The following AMBRA1 variants were observed in gnomAD, a reference collection of about 807,000 sequenced individuals.
AMBRA1 encodes autophagy and beclin 1 regulator 1, also known as activating molecule in BECN1-regulated autophagy protein 1.
A neutral mutation model predicts 125.4 loss-of-function variants in AMBRA1; 47 were observed. The observed-to-expected ratio is 0.37, with a 90% CI of 0.30 to 0.48. The LOEUF is 0.48. Ranked by LOEUF, AMBRA1 falls within the 20% of genes least tolerant of loss-of-function variation. AMBRA1 has a pLI of 0.99. For missense variants in AMBRA1, 1,331 were observed against 1,693.4 expected, an observed-to-expected ratio of 0.79 and a Z score of 3.76; for synonymous variants, 626 against 655.5, an observed-to-expected ratio of 0.95 and a Z score of 0.69.
intron 1 of AMBRA1, among the ~76,000 whole-genome samples, chr11:46,576,108 T>C (rs943731237): frequency 6.6e-6 from 1 of 152,068 alleles, no homozygotes; most frequent in East Asian, 1.9e-4. Flanking sequence ...TAACAGTAGA[T>C]TACACAGCTA....
chr11:46,584,328 A>C (rs1415283644), intron 1 of AMBRA1, among the ~76,000 whole-genome samples: 1 of 139,946 alleles, frequency 7.1e-6, no homozygotes, highest in Non-Finnish European at 1.5e-5. Flanking sequence ...AGCAATGAGA[A>C]CACATGGACA....
chr11:46,418,461 T>C (rs1946679437), intron 14 of AMBRA1, among the ~76,000 whole-genome samples: 1 of 150,900 alleles, frequency 6.6e-6, no homozygotes, highest in African/African-American at 2.4e-5. Context: ...GCAGGTTTGT[T>C]ACATATGTAT....
At chr11:46,512,594 C>A in intron 8 of AMBRA1, 133 bp downstream of exon 8, 1 of 631,782 alleles carries the variant, frequency 1.6e-6, no homozygotes, top group South Asian at 2.3e-5. Context: ...CCTGAACCAC[C>A]TGTCTCAAAA....
intron 14 of AMBRA1, among the ~76,000 whole-genome samples, chr11:46,429,417 C>G (rs1248870300): frequency 6.6e-6 from 1 of 152,216 alleles, no homozygotes; most frequent in Non-Finnish European, 1.5e-5. Context: ...ACTTATGTGC[C>G]TACAATCCCC....
At chr11:46,496,044 G>C (rs183855510) in intron 9 of AMBRA1, among the ~76,000 whole-genome samples, 71 of 152,210 alleles carry the variant, frequency 4.7e-4, no homozygotes, top group African/African-American at 1.6e-3. Context: ...TTCAAGGTCA[G>C]CCTGGGCAAC....
At chr11:46,572,966 C>T (rs185642910) in intron 1 of AMBRA1, among the ~76,000 whole-genome samples, 65 of 151,794 alleles carry the variant, frequency 4.3e-4, no homozygotes, top group African/African-American at 1.5e-3. Flanking sequence ...TGGTGGACGC[C>T]TGTAATCCCA....
intron 11 of AMBRA1, among the ~76,000 whole-genome samples, chr11:46,456,511 G>A (rs765010889): frequency 2.6e-5 from 4 of 152,200 alleles, no homozygotes; most frequent in African/African-American, 4.8e-5. Context: ...TGGGCAAAGA[G>A]AGGGGTGAAG....
chr11:46,532,874 C>T (rs1003460510), intron 7 of AMBRA1, among the ~76,000 whole-genome samples: 18 of 152,226 alleles, frequency 1.2e-4, no homozygotes, highest in Admixed American at 9.2e-4. Flanking sequence ...AACGCTCATA[C>T]TCTTGGGCAC....
At position 46,517,470 on chromosome 11, in the gene AMBRA1, GTTTTTTTTTT is replaced by G. The variant is rs768814141; in HGVS notation, c.2073-4667_2073-4658del. On this transcript the variant is annotated intron_variant, in intron 7 of 17. Coordinates refer to ENST00000683756, the MANE Select transcript of AMBRA1 (RefSeq NM_001387011.1). ...GGCTAGAAAGCATTTTATTAATAAG[GTTTTTTTTTT>G]TTTTTTTTTTTTTTTTTAAGTCTGA... Among the ~76,000 whole-genome samples, 4 of 96,156 alleles carry G rather than the reference GTTTTTTTTTT, an allele frequency of 4.2e-5. 1 individual carries two copies. In the East Asian group the frequency reaches 1.4e-3, roughly 34 times the overall value. The allele number at this position is 96,156 out of a possible 152,430, so 63.1% of individuals were successfully genotyped here.
At chr11:46,480,512 G>A (rs1950018373) in intron 11 of AMBRA1, among the ~76,000 whole-genome samples, 1 of 152,206 alleles carries the variant, frequency 6.6e-6, no homozygotes, top group Non-Finnish European at 1.5e-5. Context: ...CCAGGGTTGT[G>A]CAACCCTCAT....
At chr11:46,428,236 C>T (rs1947255088) in intron 14 of AMBRA1, among the ~76,000 whole-genome samples, 1 of 152,028 alleles carries the variant, frequency 6.6e-6, no homozygotes, top group Non-Finnish European at 1.5e-5. Flanking sequence ...ACTTTCTTTT[C>T]AATGTGTCCT....
chr11:46,400,196 ACTG>A (rs1197409379), intron 17 of AMBRA1, among the ~76,000 whole-genome samples: 1 of 152,034 alleles, frequency 6.6e-6, no homozygotes, highest in East Asian at 1.9e-4. Context: ...GCTCCACTGA[ACTG>A]CTGATTTGTC....
At chr11:46,424,460 C>T (rs1445993813) in intron 14 of AMBRA1, among the ~76,000 whole-genome samples, 1 of 152,170 alleles carries the variant, frequency 6.6e-6, no homozygotes, top group Non-Finnish European at 1.5e-5. Flanking sequence ...CCACCCCTGG[C>T]CATTAGGATC....
At chr11:46,442,444 A>C (rs1194215483) in intron 12 of AMBRA1, among the ~76,000 whole-genome samples, 1 of 152,012 alleles carries the variant, frequency 6.6e-6, no homozygotes. Context: ...CACCTGGCTG[A>C]AAGAATATTT....
intron 14 of AMBRA1, among the ~76,000 whole-genome samples, chr11:46,421,654 C>G (rs540563352): frequency 6.6e-6 from 1 of 152,192 alleles, no homozygotes; most frequent in African/African-American, 2.4e-5. Flanking sequence ...ACCCCTTTCC[C>G]GGGCCAAAGC....
At chr11:46,564,393 A>G (rs750794292) in intron 1 of AMBRA1, among the ~76,000 whole-genome samples, 4 of 152,126 alleles carry the variant, frequency 2.6e-5, no homozygotes, top group Non-Finnish European at 5.9e-5. Context: ...TTTTCCTCAC[A>G]ATGATACTAT....
chr11:46,506,950 G>A (rs575425424), intron 9 of AMBRA1, among the ~76,000 whole-genome samples: 1 of 151,124 alleles, frequency 6.6e-6, no homozygotes, highest in East Asian at 2.0e-4. Context: ...CGGATCACAA[G>A]GTCAAGAGAT....
chr11:46,432,632 A>G (rs1350382159), intron 14 of AMBRA1, among the ~76,000 whole-genome samples: 1 of 152,220 alleles, frequency 6.6e-6, no homozygotes, highest in African/African-American at 2.4e-5. Context: ...AGGAGCTTAC[A>G]CTGAACCGAA....
At chr11:46,500,751 T>A (rs2135006153) in intron 9 of AMBRA1, among the ~76,000 whole-genome samples, 1 of 152,270 alleles carries the variant, frequency 6.6e-6, no homozygotes, top group East Asian at 1.9e-4. Context: ...GCTATACCCA[T>A]CACCAATATC....
Sources: allele counts gnomAD v4.1 joint callset (sites outside exome capture counted in the v4.1 genomes callset), GRCh38; gene constraint gnomAD v4.1.1; transcripts MANE v1.5; gene names NCBI Gene and HGNC (gene_info 2026-07-23, HGNC 2026-07-21).